The following RAB38 variants were observed in gnomAD, a reference collection of about 807,000 sequenced individuals.
RAB38 encodes ras-related protein Rab-38.
A neutral mutation model predicts 18.4 loss-of-function variants in RAB38; 15 were observed. That is an observed-to-expected ratio of 0.82 (90% CI 0.55 to 1.26). The LOEUF (loss-of-function observed/expected upper bound fraction) is 1.26. Among genes scored for constraint, RAB38 ranks in the 50% most tolerant of loss-of-function variants. RAB38 has a pLI of 0.00. For synonymous variants in RAB38, 101 were observed against 104.4 expected, an observed-to-expected ratio of 0.97 and a Z score of 0.20; for missense variants, 294 against 267.4, an observed-to-expected ratio of 1.10 and a Z score of -0.69.
At chr11:88,126,385 T>C (rs1942695096) in intron 2 of RAB38, among the ~76,000 whole-genome samples, 6 of 151,988 alleles carry the variant, frequency 3.9e-5, no homozygotes, top group Admixed American at 2.0e-4. Flanking sequence ...AAATGATGAG[T>C]TCATGTCCTT....
chr11:87,821,979 TAGC>T, the RAB38 span, among the ~76,000 whole-genome samples: 1 of 152,158 alleles, frequency 6.6e-6, no homozygotes, highest in Non-Finnish European at 1.5e-5. Flanking sequence ...TTGTATTTCT[TAGC>T]AGGTGAAAAA....
At chr11:87,869,961 C>G in the RAB38 span, among the ~76,000 whole-genome samples, 9 of 151,700 alleles carry the variant, frequency 5.9e-5, no homozygotes, top group Admixed American at 5.9e-4. Context: ...TATAATGTGT[C>G]TAATTTATAA....
the RAB38 span, among the ~76,000 whole-genome samples, chr11:87,903,258 A>G: frequency 6.6e-6 from 1 of 151,320 alleles, no homozygotes; most frequent in African/African-American, 2.4e-5. Context: ...TTCTACTCCT[A>G]TTGTTCTAGG....
At chr11:87,876,012 A>G in the RAB38 span, among the ~76,000 whole-genome samples, 2 of 151,730 alleles carry the variant, frequency 1.3e-5, no homozygotes, top group East Asian at 3.9e-4. Flanking sequence ...TGATATCAGG[A>G]ATCTTTGTCT....
chr11:88,055,108 G>A, the RAB38 span, among the ~76,000 whole-genome samples: 4 of 152,144 alleles, frequency 2.6e-5, no homozygotes, highest in African/African-American at 9.7e-5. Context: ...ACGGTGGCAT[G>A]TGACTGCAGT....
chr11:87,875,083 AATAATCTTTTAG>A, the RAB38 span, among the ~76,000 whole-genome samples: 1 of 151,572 alleles, frequency 6.6e-6, no homozygotes, highest in Non-Finnish European at 1.5e-5. Flanking sequence ...AGACAGGAGG[AATAATCTTTTAG>A]ATCTTGTGCA....
At chr11:87,843,271 C>A in the RAB38 span, among the ~76,000 whole-genome samples, 1 of 152,212 alleles carries the variant, frequency 6.6e-6, no homozygotes, top group Non-Finnish European at 1.5e-5. Context: ...CCACAGCCTG[C>A]CACTTTTATC....
At chr11:87,864,974 A>G in the RAB38 span, among the ~76,000 whole-genome samples, 1 of 151,930 alleles carries the variant, frequency 6.6e-6, no homozygotes, top group Middle Eastern at 3.4e-3. Context: ...TTGAGTAAAC[A>G]GGACCATTCT....
At chr11:87,908,418 G>A in the RAB38 span, among the ~76,000 whole-genome samples, 1 of 151,908 alleles carries the variant, frequency 6.6e-6, no homozygotes, top group Non-Finnish European at 1.5e-5. Context: ...CACTCCTTTG[G>A]TGAATAAATT....
the RAB38 span, among the ~76,000 whole-genome samples, chr11:87,948,574 A>G: frequency 3.3e-5 from 5 of 152,056 alleles, no homozygotes; most frequent in South Asian, 4.1e-4. Context: ...CGTCCCATCA[A>G]TATCTAATTT....
At chr11:87,958,616 T>G in the RAB38 span, among the ~76,000 whole-genome samples, 131 of 152,284 alleles carry the variant, frequency 8.6e-4, no homozygotes, top group African/African-American at 3.0e-3. Flanking sequence ...GCAAGAAACC[T>G]AAAGATGTCC....
chr11:88,069,873 G>A, the RAB38 span, among the ~76,000 whole-genome samples: 1 of 151,544 alleles, frequency 6.6e-6, no homozygotes, highest in African/African-American at 2.4e-5. Flanking sequence ...TCTAGCTAGA[G>A]GATTGTAAAT....
At chr11:87,846,709 A>G in the RAB38 span, among the ~76,000 whole-genome samples, 3 of 152,224 alleles carry the variant, frequency 2.0e-5, no homozygotes, top group South Asian at 6.2e-4. Context: ...TTATATTTGT[A>G]GAGCAGTCTA....
At chr11:87,932,417 A>G in the RAB38 span, among the ~76,000 whole-genome samples, 3 of 152,036 alleles carry the variant, frequency 2.0e-5, no homozygotes, top group Non-Finnish European at 2.9e-5. Context: ...CATGAAGAGA[A>G]GTTTGTGCAG....
chr11:87,881,445 T>C, the RAB38 span, among the ~76,000 whole-genome samples: 1 of 152,050 alleles, frequency 6.6e-6, no homozygotes, highest in Non-Finnish European at 1.5e-5. Context: ...CACATGATTT[T>C]AATTTTTACC....
At chr11:87,974,789 A>C in the RAB38 span, among the ~76,000 whole-genome samples, 1 of 151,854 alleles carries the variant, frequency 6.6e-6, no homozygotes, top group Non-Finnish European at 1.5e-5. Flanking sequence ...AATCAGAAAA[A>C]ATGATGATCA....
At chr11:88,032,817 G>C in the RAB38 span, among the ~76,000 whole-genome samples, 1 of 152,212 alleles carries the variant, frequency 6.6e-6, no homozygotes, top group Admixed American at 6.5e-5. Flanking sequence ...AAGACAGTGT[G>C]GCGATTCCTC....
At chr11:88,111,166 A>T (rs1942468650), downstream of RAB38, among the ~76,000 whole-genome samples, 1 of 152,172 alleles carries the variant, frequency 6.6e-6, no homozygotes, top group Admixed American at 6.5e-5. Context: ...GCAATAACTC[A>T]GACATTTATC....
the RAB38 span, among the ~76,000 whole-genome samples, chr11:88,085,961 T>C: frequency 7.2e-5 from 11 of 151,916 alleles, no homozygotes; most frequent in African/African-American, 2.7e-4. Flanking sequence ...CAGCTTAGTG[T>C]AGCATTATGA....
Sources: allele counts gnomAD v4.1 joint callset (sites outside exome capture counted in the v4.1 genomes callset), GRCh38; gene constraint gnomAD v4.1.1; transcripts MANE v1.5; gene names NCBI Gene and HGNC (gene_info 2026-07-23, HGNC 2026-07-21).